MYO18B: variants seen among roughly 807,000 people sequenced by gnomAD.
MYO18B encodes the protein unconventional myosin-XVIIIb.
A neutral mutation model predicts 273.0 loss-of-function variants in MYO18B; 204 were observed. The observed-to-expected ratio is 0.75, with a 90% CI of 0.67 to 0.84. MYO18B has a LOEUF of 0.84. Among genes scored for constraint, MYO18B ranks in the 40% least tolerant of loss-of-function variants. The probability of loss-of-function intolerance (pLI) is 0.00; values close to 1 mark genes in which losing one functional copy is unlikely to be tolerated. For synonymous variants in MYO18B, 1,330 were observed against 1,305.7 expected (o/e 1.02, Z -0.40); for missense variants, 3,212 against 3,287.6 (o/e 0.98, Z 0.56).
chr22:25,754,992 G>A (rs1304503572), intron 1 of MYO18B, among the ~76,000 whole-genome samples: 1 of 152,208 alleles, frequency 6.6e-6, no homozygotes. Context: ...GAGGAAGGCG[G>A]GTAGTGGCGG....
intron 10 of MYO18B, 110 bp downstream of exon 10, chr22:25,781,944 A>C (rs1483263570): frequency 1.4e-6 from 1 of 691,308 alleles, no homozygotes; most frequent in East Asian, 3.3e-5. Context: ...CGTGGGACCC[A>C]GGGATTAGGA....
intron 19 of MYO18B, among the ~76,000 whole-genome samples, 192 bp downstream of exon 19, chr22:25,846,475 C>T (rs1257721646): frequency 2.0e-5 from 3 of 152,236 alleles, no homozygotes; most frequent in African/African-American, 7.2e-5. Flanking sequence ...GGTCACACCC[C>T]CAGGAAGTGA....
Position 25,903,821 on chromosome 22 carries a change from A to T in MYO18B, c.5138A>T (p.Gln1713Leu), listed in dbSNP as rs990990625. 4.4e-6 allele frequency: 7 copies of T among 1,597,822 alleles called. No individual in the cohort carries two copies. In the Admixed American group the frequency reaches 1.0e-4, roughly 24 times the overall value. Reference protein sequence around the residue: ...IQSQQENTIKQLEQLRQRFEL... With the variant: ...IQSQQENTIKLLEQLRQRFEL... ...AGCCAGCAGGAAAACACCATCAAGC[A>T]GCTGGAGCAGGTAGGAAAGCCCTGT... Residue 1713 changes from glutamine (Q) to leucine (L), a missense_variant, in exon 31 of 44, where the codon CAG becomes CTG. Physicochemically the swap from Gln to Leu is moderately radical, Grantham distance 113. Transcript: ENST00000335473.
intron 9 of MYO18B, among the ~76,000 whole-genome samples, chr22:25,781,312 C>G (rs1256755978): frequency 2.0e-5 from 3 of 152,060 alleles, no homozygotes; most frequent in Non-Finnish European, 4.4e-5. Flanking sequence ...GATGTTGTCT[C>G]GAAGAGTGGA....
chr22:25,772,890 C>T (rs142922084), intron 7 of MYO18B, among the ~76,000 whole-genome samples: 1,534 of 152,234 alleles, frequency 0.01, 9 homozygotes, highest in Non-Finnish European at 0.014. Context: ...TGAGAAGAGC[C>T]GGCTGGGCCA....
chr22:25,747,341 C>T (rs930779821), intron 1 of MYO18B, among the ~76,000 whole-genome samples: 1 of 152,342 alleles, frequency 6.6e-6, no homozygotes, highest in Admixed American at 6.5e-5. Context: ...TCACAGCATG[C>T]TGTCTTGTTC....
chr22:25,914,237 T>G (rs1264650923), intron 33 of MYO18B, among the ~76,000 whole-genome samples: 1 of 152,204 alleles, frequency 6.6e-6, no homozygotes, highest in African/African-American at 2.4e-5. Flanking sequence ...AAATTGCCTG[T>G]TTTATTGACC....
chr22:26,038,529 A>G, the MYO18B span, among the ~76,000 whole-genome samples: 4 of 152,048 alleles, frequency 2.6e-5, no homozygotes, highest in African/African-American at 9.7e-5. Context: ...GAGTCCCACC[A>G]CCTGAAGCCA....
the MYO18B span, among the ~76,000 whole-genome samples, chr22:26,047,500 C>T: frequency 6.6e-6 from 1 of 152,090 alleles, no homozygotes; most frequent in Non-Finnish European, 1.5e-5. Flanking sequence ...AGATGTAGTT[C>T]ACTGGGAGTT....
rs759236559 is a variant in MYO18B at position 25,797,976 on chromosome 22, A to G, written c.2400A>G (p.Ala800=). ...AGCCTGAAGATAAACAGAAGGCGGCAGCTGCCTTTGCCCAGCTCCAGGGTG... is the reference window on the plus strand; with the variant it reads ...AGCCTGAAGATAAACAGAAGGCGGCGGCTGCCTTTGCCCAGCTCCAGGGTG... The part of the protein sequence containing the change: ...WSKPEDKQKA[A]AAFAQLQGAM... The change falls in exon 12 of 44, where the codon GCA becomes GCG. Residue 800 remains alanine (A), a synonymous_variant. Transcript: ENST00000335473. The G allele has an allele frequency of 9.9e-6, 16 of 1,613,944 alleles. No homozygotes were observed. The Admixed American group carries it at 1.2e-4, about 12-fold the overall frequency.
intron 17 of MYO18B, among the ~76,000 whole-genome samples, chr22:25,836,964 A>AAAT (rs71191082): frequency 0.087 from 12,340 of 141,966 alleles, 572 homozygotes; most frequent in Middle Eastern, 0.13. Flanking sequence ...TTCCATCTCA[A>AAAT]AATAATAATA....
chr22:26,052,943 C>T, the MYO18B span, among the ~76,000 whole-genome samples: 1 of 151,804 alleles, frequency 6.6e-6, no homozygotes, highest in Non-Finnish European at 1.5e-5. Context: ...GCTGGGACTA[C>T]AGGCGCCTGC....
rs868555426 is a variant in MYO18B, at chr22:26,027,052, A to C, written c.7078A>C (p.Ser2360Arg). The change falls in exon 43 of 44, where the codon AGC becomes CGC. Residue 2360 changes from serine to arginine, a missense_variant. Ser to Arg is a moderately radical substitution (Grantham distance 110, BLOSUM62 -1). Coordinates refer to ENST00000335473, the MANE Select transcript of MYO18B (RefSeq NM_032608.7). The surrounding 1 kb of genome is among the most constrained non-coding windows in gnomAD (Gnocchi z 4.1). ...CGAGTCCCTCTTAGAATCCAGACCGAGCATGGGGAGAAAACTGAGCTCTCC... is the reference window on the plus strand; with the variant it reads ...CGAGTCCCTCTTAGAATCCAGACCGCGCATGGGGAGAAAACTGAGCTCTCC... ...SCESLLESRP[S>R]MGRKLSSPTT... 3.7e-6 allele frequency: 6 copies of C among 1,613,988 alleles called. No individual in the cohort carries two copies. In the African/African-American group the frequency reaches 6.7e-5, roughly 18 times the overall value.
intron 24 of MYO18B, chr22:25,876,875 T>C (rs2146200718): frequency 6.6e-6 from 1 of 152,364 alleles, no homozygotes; most frequent in East Asian, 1.9e-4. Context: ...TTAAAATGTA[T>C]TCTGAAAATC....
At chr22:25,920,491 C>T (rs1284914858) in intron 33 of MYO18B, among the ~76,000 whole-genome samples, 1 of 152,170 alleles carries the variant, frequency 6.6e-6, no homozygotes, top group African/African-American at 2.4e-5. Flanking sequence ...GGTGCCCAGT[C>T]CAGGATGCGG....
At chr22:25,797,158 G>A (rs1008419260) in intron 11 of MYO18B, among the ~76,000 whole-genome samples, 20 of 152,234 alleles carry the variant, frequency 1.3e-4, no homozygotes, top group African/African-American at 4.3e-4. Context: ...GCCCGGGGGC[G>A]CGGAGGTTGC....
chr22:26,034,748 C>T (rs1377910491), downstream of MYO18B, among the ~76,000 whole-genome samples: 1 of 152,162 alleles, frequency 6.6e-6, no homozygotes, highest in Non-Finnish European at 1.5e-5. Flanking sequence ...CTTGAAAGAA[C>T]CCTAGACCAT....
rs113920615 is a variant in MYO18B, at chr22:25,763,712, A to G, written c.198+323A>G. ...GACTAGAAATTCCTTAAGAGCAACA[A>G]TGATTTCTCTCATTCAATTCTGTAT... On this transcript the variant is annotated intron_variant, in intron 3 of 43. Transcript: ENST00000335473. Among the ~76,000 whole-genome samples, 448 of 152,328 alleles carry G rather than the reference A, an allele frequency of 2.9e-3. 3 individuals are homozygous for G. The highest frequency in any genetic ancestry group is 9.9e-3 in the African/African-American group (410 of 41,578).
intron 13 of MYO18B, among the ~76,000 whole-genome samples, chr22:25,826,133 G>A (rs577426680): frequency 1.2e-3 from 188 of 152,334 alleles, no homozygotes; most frequent in African/African-American, 4.4e-3. Context: ...GGTAGTCAAG[G>A]AAGGCTTTCC....
Sources: gnomAD v4.1 joint callset for allele counts (sites outside exome capture counted in the v4.1 genomes callset) on GRCh38, gnomAD v4.1.1 for gene constraint, Gnocchi (gnomAD v3.1) non-coding constraint, MANE v1.5 for transcripts, NCBI Gene and HGNC (gene_info 2026-07-23, HGNC 2026-07-21) for gene names.